The following SGCZ variants were observed in gnomAD, a reference collection of about 807,000 sequenced individuals.
SGCZ encodes the protein sarcoglycan zeta.
A neutral mutation model predicts 41.3 loss-of-function variants in SGCZ; 40 were observed. The ratio of observed to expected loss-of-function variants is 0.97; its 90% CI spans 0.75 to 1.26. The LOEUF (loss-of-function observed/expected upper bound fraction) is 1.26, where lower values mean the gene tolerates loss of function less well. Ranked by LOEUF, SGCZ falls within the 50% of genes most tolerant of loss-of-function variation. SGCZ has a pLI of 0.00. For synonymous variants in SGCZ, 206 were observed against 137.5 expected, an observed-to-expected ratio of 1.50 and a Z score of -3.49; for missense variants, 552 against 369.8, an observed-to-expected ratio of 1.49 and a Z score of -4.04.
At chr8:15,160,724 C>T (rs61152810) in intron 1 of SGCZ, among the ~76,000 whole-genome samples, 6,543 of 152,182 alleles carry the variant, frequency 0.043, 351 homozygotes, top group African/African-American at 0.13. Flanking sequence ...ACTAACTTTC[C>T]GATCTTCCCC....
rs1801611009 is a variant in SGCZ at position 14,089,093 on chromosome 8, T to A, written c.*1350A>T. Among the ~76,000 whole-genome samples, 1 of 151,990 alleles carries A rather than the reference T, an allele frequency of 6.6e-6. No homozygotes were observed. The highest frequency in any genetic ancestry group is 2.1e-4 in the South Asian group (1 of 4,834). On this transcript the variant is annotated 3_prime_UTR_variant, in exon 8 of 8. Transcript: ENST00000382080. ...AGTTTCAAGAGTTTGAGTTAAGGGG[T>A]GCTGTGATAAATGAATATTCAGTAT...
chr8:14,511,416 C>T (rs1802465513), intron 2 of SGCZ, among the ~76,000 whole-genome samples: 1 of 151,734 alleles, frequency 6.6e-6, no homozygotes, highest in Non-Finnish European at 1.5e-5. Context: ...TTCATTACTG[C>T]CTAAGAGCCA....
At chr8:14,876,591 T>C (rs927238974) in intron 1 of SGCZ, among the ~76,000 whole-genome samples, 14 of 152,136 alleles carry the variant, frequency 9.2e-5, no homozygotes, top group Admixed American at 3.3e-4. Flanking sequence ...GTGTATGAAA[T>C]ATCTCGCCGT....
rs1484908747 is a variant in SGCZ, at chr8:14,088,838, T to G, written c.*1605A>C. On this transcript the variant is annotated 3_prime_UTR_variant, in exon 8 of 8. Transcript: ENST00000382080. ...TTCTACTTTCACTAACCACATCTTT[T>G]GCAACAAGTTCTAATCTCCCAGTTC... 1.3e-5 allele frequency among the ~76,000 whole-genome samples: 2 copies of G among 151,898 alleles called. No individual in the cohort carries two copies. Among genetic ancestry groups the G allele is most frequent in the Admixed American group, 1.3e-4 (2 of 15,218 alleles).
intron 2 of SGCZ, among the ~76,000 whole-genome samples, chr8:14,484,410 T>C (rs539354379): frequency 6.6e-5 from 10 of 152,246 alleles, no homozygotes; most frequent in Non-Finnish European, 1.5e-4. Flanking sequence ...AAATATAGAA[T>C]TATGTTTTGT....
intron 1 of SGCZ, among the ~76,000 whole-genome samples, chr8:15,045,136 G>A (rs765426196): frequency 1.3e-5 from 2 of 151,070 alleles, no homozygotes; most frequent in African/African-American, 2.4e-5. Context: ...TGGGTTATTT[G>A]GCATTGTAAA....
chr8:15,163,024 G>C (rs1016182993), intron 1 of SGCZ, among the ~76,000 whole-genome samples: 3 of 152,082 alleles, frequency 2.0e-5, no homozygotes. Context: ...AAATCATTTC[G>C]TGCTCAGTTG....
chr8:14,627,505 A>T (rs1806501248), intron 1 of SGCZ, among the ~76,000 whole-genome samples: 2 of 152,152 alleles, frequency 1.3e-5, no homozygotes, highest in South Asian at 4.1e-4. Flanking sequence ...TCTTATATTT[A>T]AAGTCCTCTA....
At chr8:15,020,996 G>T (rs546038710) in intron 1 of SGCZ, among the ~76,000 whole-genome samples, 2 of 152,264 alleles carry the variant, frequency 1.3e-5, no homozygotes, top group African/African-American at 2.4e-5. Context: ...TGAAAATTTT[G>T]CTAAAAGAGA....
intron 1 of SGCZ, among the ~76,000 whole-genome samples, chr8:14,604,687 G>A (rs1008230908): frequency 6.6e-6 from 1 of 152,026 alleles, no homozygotes; most frequent in East Asian, 1.9e-4. Flanking sequence ...CATTATAAAC[G>A]CAGACTGCTC....
At chr8:14,563,224 A>G (rs962809635) in intron 1 of SGCZ, among the ~76,000 whole-genome samples, 1 of 152,192 alleles carries the variant, frequency 6.6e-6, no homozygotes, top group Non-Finnish European at 1.5e-5. Flanking sequence ...GATACCTGCA[A>G]GTAAAAGTAC....
At chr8:14,151,720 G>A (rs67022821) in intron 5 of SGCZ, among the ~76,000 whole-genome samples, 95,818 of 151,916 alleles carry the variant, frequency 0.63, 31,832 homozygotes, top group African/African-American at 0.83. Context: ...TCTATTATGT[G>A]GCTACAGTAA....
intron 2 of SGCZ, among the ~76,000 whole-genome samples, chr8:14,346,208 G>T (rs976888060): frequency 6.6e-6 from 1 of 151,994 alleles, no homozygotes; most frequent in African/African-American, 2.4e-5. Context: ...GGAGTGAGTT[G>T]ATATATGGGA....
chr8:14,795,487 T>C (rs374435199), intron 1 of SGCZ, among the ~76,000 whole-genome samples: 1 of 152,106 alleles, frequency 6.6e-6, no homozygotes, highest in Non-Finnish European at 1.5e-5. Flanking sequence ...CTGTCACCCA[T>C]GCTGGAGTAC....
intron 1 of SGCZ, among the ~76,000 whole-genome samples, chr8:14,733,185 C>T (rs10092386): frequency 0.39 from 59,700 of 151,862 alleles, 13,854 homozygotes; most frequent in African/African-American, 0.65. Flanking sequence ...CCTTCCCTAA[C>T]TGCCCCAGGG....
At chr8:14,989,958 CA>C (rs1475899347) in intron 1 of SGCZ, among the ~76,000 whole-genome samples, 1 of 151,974 alleles carries the variant, frequency 6.6e-6, no homozygotes, top group Non-Finnish European at 1.5e-5. Context: ...GATGGCTGGT[CA>C]AAAGTACCGG....
At chr8:14,319,998 C>T (rs967373003) in intron 3 of SGCZ, among the ~76,000 whole-genome samples, 8 of 151,636 alleles carry the variant, frequency 5.3e-5, no homozygotes, top group African/African-American at 7.3e-5. Flanking sequence ...TTTATTTTTT[C>T]GATTAAATTA....
chr8:14,261,278 A>C (rs749892392), intron 3 of SGCZ, among the ~76,000 whole-genome samples: 5 of 152,084 alleles, frequency 3.3e-5, no homozygotes, highest in Admixed American at 6.6e-5. Context: ...CATAATTTTT[A>C]ATTGTGATTT....
chr8:15,168,393 G>A (rs1241990865), intron 1 of SGCZ, among the ~76,000 whole-genome samples: 1 of 152,172 alleles, frequency 6.6e-6, no homozygotes, highest in African/African-American at 2.4e-5. Context: ...GGCTACTGAC[G>A]GTAGGAAAGA....
Sources: gnomAD v4.1 joint callset for allele counts (sites outside exome capture counted in the v4.1 genomes callset) on GRCh38, gnomAD v4.1.1 for gene constraint, MANE v1.5 for transcripts, NCBI Gene and HGNC (gene_info 2026-07-23, HGNC 2026-07-21) for gene names.